Variants in PCTP observed in about 807,000 individuals in gnomAD.
The protein encoded by PCTP is START domain-containing protein 2.
In PCTP, 27 loss-of-function variants were observed where a neutral mutation model predicts 31.0. The observed-to-expected ratio is 0.87, with a 90% CI of 0.64 to 1.20. The LOEUF is 1.20. PCTP is among the 50% of genes most tolerant of loss of function. The pLI is 0.00. For missense variants in PCTP, 287 were observed against 268.2 expected (o/e 1.07, Z -0.49); for synonymous variants, 108 against 101.2 (o/e 1.07, Z -0.40).
chr17:55,765,371 C>T (rs151319883), intron 1 of PCTP, among the ~76,000 whole-genome samples: 1 of 152,338 alleles, frequency 6.6e-6, no homozygotes, highest in East Asian at 1.9e-4. Context: ...ATCACCTCTT[C>T]TCCAAGTTTT....
At chr17:55,754,616 A>G (rs1360776759) in intron 1 of PCTP, among the ~76,000 whole-genome samples, 1 of 152,150 alleles carries the variant, frequency 6.6e-6, no homozygotes, top group Non-Finnish European at 1.5e-5. Flanking sequence ...GTCTGATCTC[A>G]TATTAATAGA....
chr17:55,850,687 T>C, the PCTP span, among the ~76,000 whole-genome samples: 3 of 152,208 alleles, frequency 2.0e-5, no homozygotes, highest in African/African-American at 7.2e-5. Flanking sequence ...TAGGTTTCAG[T>C]TATCTTCTCA....
chr17:55,784,146 G>A (rs898815193), intron 2 of PCTP, among the ~76,000 whole-genome samples: 1 of 152,210 alleles, frequency 6.6e-6, no homozygotes, highest in Non-Finnish European at 1.5e-5. Context: ...TGGCCTGGGG[G>A]AGAATTTCAA....
intron 1 of PCTP, among the ~76,000 whole-genome samples, chr17:55,761,805 T>C (rs914359283): frequency 1.3e-5 from 2 of 151,990 alleles, no homozygotes; most frequent in African/African-American, 4.8e-5. Flanking sequence ...ATTTATGTAC[T>C]TCTGTACTGT....
chr17:55,777,470 G>A (rs574670445), downstream of PCTP: 2 of 880,544 alleles, frequency 2.3e-6, no homozygotes, highest in South Asian at 5.2e-5. Flanking sequence ...AGCCTAATTT[G>A]TAGACTTAAA....
At chr17:55,835,234 A>G (rs1009121244) in intron 5 of PCTP, among the ~76,000 whole-genome samples, 9 of 152,138 alleles carry the variant, frequency 5.9e-5, no homozygotes, top group African/African-American at 1.9e-4. Flanking sequence ...TGAGACAATA[A>G]ATGCCTGCCA....
intron 3 of PCTP, among the ~76,000 whole-genome samples, chr17:55,806,918 C>T (rs940394661): frequency 6.6e-6 from 1 of 152,126 alleles, no homozygotes; most frequent in Non-Finnish European, 1.5e-5. Context: ...TTTTATATTG[C>T]TAAGTTTCAC....
At chr17:55,803,760 G>C (rs554611102) in intron 3 of PCTP, among the ~76,000 whole-genome samples, 1 of 152,000 alleles carries the variant, frequency 6.6e-6, no homozygotes. Context: ...AAAAACCCTG[G>C]AAGAATACCT....
intron 5 of PCTP, among the ~76,000 whole-genome samples, chr17:55,834,102 A>G (rs1252746620): frequency 6.6e-6 from 1 of 152,206 alleles, no homozygotes; most frequent in Non-Finnish European, 1.5e-5. Context: ...GCTGACTGAA[A>G]CTAGAGCCTA....
chr17:55,846,456 G>A (rs1906152974), downstream of PCTP, among the ~76,000 whole-genome samples: 1 of 152,098 alleles, frequency 6.6e-6, no homozygotes, highest in South Asian at 2.1e-4. Context: ...TGAGCGCTTT[G>A]CAGGAAAAGT....
chr17:55,826,988 C>T (rs1385240146), downstream of PCTP, among the ~76,000 whole-genome samples: 2 of 150,134 alleles, frequency 1.3e-5, no homozygotes, highest in Non-Finnish European at 2.9e-5. Context: ...GTAATTTAAC[C>T]TGTTAATATA....
intron 2 of PCTP, among the ~76,000 whole-genome samples, chr17:55,768,011 T>A (rs901765864): frequency 6.6e-6 from 1 of 151,514 alleles, no homozygotes; most frequent in South Asian, 2.1e-4. Flanking sequence ...TAAGAATTGC[T>A]TGAACCCAAG....
At chr17:55,768,523 A>G (rs748165550) in intron 2 of PCTP, among the ~76,000 whole-genome samples, 2 of 152,222 alleles carry the variant, frequency 1.3e-5, no homozygotes, top group Non-Finnish European at 2.9e-5. Flanking sequence ...AATAGCCGCC[A>G]GCAGTTTGGT....
chr17:55,851,421 C>G, the PCTP span, among the ~76,000 whole-genome samples: 1 of 152,186 alleles, frequency 6.6e-6, no homozygotes, highest in Non-Finnish European at 1.5e-5. Context: ...CACTCAAGCT[C>G]TCAGCTAGCA....
intron 1 of PCTP, among the ~76,000 whole-genome samples, chr17:55,762,750 A>G (rs185540677): frequency 2.0e-4 from 31 of 152,246 alleles, no homozygotes; most frequent in African/African-American, 6.3e-4. Flanking sequence ...AGCAGTTCCA[A>G]CCATCATGTC....
intron 3 of PCTP, among the ~76,000 whole-genome samples, chr17:55,819,010 C>CAAAA (rs56823756): frequency 2.0e-3 from 102 of 51,100 alleles, no homozygotes; most frequent in African/African-American, 4.1e-3. Flanking sequence ...GGAAAGAAAT[C>CAAAA]AAAAAAAAAA....
At chr17:55,847,563 T>A (rs1255145023), downstream of PCTP, among the ~76,000 whole-genome samples, 1 of 152,206 alleles carries the variant, frequency 6.6e-6, no homozygotes, top group Non-Finnish European at 1.5e-5. Flanking sequence ...TGATTGTAAG[T>A]TTCCTGAGGC....
chr17:55,778,674 G>A (rs535765959), downstream of PCTP, among the ~76,000 whole-genome samples: 76 of 152,186 alleles, frequency 5.0e-4, no homozygotes, highest in African/African-American at 1.8e-3. Flanking sequence ...AAGTACCAAG[G>A]TCCTCTCTCT....
rs371611893 is a variant in PCTP at position 55,751,358 on chromosome 17, T to C, written c.141+114T>C. 3.8e-5 allele frequency: 58 copies of C among 1,528,016 alleles called. 2 individuals carry two copies. Among genetic ancestry groups the C allele is most frequent in the Admixed American group, 2.8e-4 (14 of 49,216 alleles). 94.7% of individuals were successfully genotyped at this position (1,528,016 alleles called of 1,614,324 possible). On this transcript the variant is annotated intron_variant, in intron 1 of 5. Transcript: ENST00000268896. ...GGGACAGGGGCGCGTCTTCTCCGGC[T>C]CAGGAAGGAGCTCCGCCCGGACCCT... is the stretch of plus-strand genomic sequence containing the variant.
Sources: gnomAD v4.1 joint callset for allele counts (sites outside exome capture counted in the v4.1 genomes callset) on GRCh38, gnomAD v4.1.1 for gene constraint, MANE v1.5 for transcripts, NCBI Gene and HGNC (gene_info 2026-07-23, HGNC 2026-07-21) for gene names.